The following SEMA3E variants were observed in gnomAD, a reference collection of about 807,000 sequenced individuals.
The protein encoded by SEMA3E is semaphorin-3E.
Under a neutral mutation model 93.6 loss-of-function variants are expected in SEMA3E, and 49 were observed. That is an observed-to-expected ratio of 0.52 (90% CI 0.42 to 0.66). The LOEUF is 0.66. SEMA3E is among the 30% of genes least tolerant of loss of function. The pLI is 0.00. For missense variants in SEMA3E, 906 were observed against 964.8 expected (o/e 0.94, Z 0.81); for synonymous variants, 363 against 330.7 (o/e 1.10, Z -1.06).
At chr7:83,520,001 T>C (rs992832501) in intron 1 of SEMA3E, among the ~76,000 whole-genome samples, 2 of 152,158 alleles carry the variant, frequency 1.3e-5, no homozygotes, top group Non-Finnish European at 2.9e-5. Flanking sequence ...ATAGATGCCC[T>C]ATAAATATAT....
At chr7:83,446,983 A>G (rs1425745440) in intron 4 of SEMA3E, among the ~76,000 whole-genome samples, 1 of 152,162 alleles carries the variant, frequency 6.6e-6, no homozygotes, top group Non-Finnish European at 1.5e-5. Flanking sequence ...GAGATAGACA[A>G]TGTTACTTCA....
intron 2 of SEMA3E, among the ~76,000 whole-genome samples, chr7:83,474,900 G>T (rs1428821578): frequency 6.6e-6 from 1 of 151,924 alleles, no homozygotes; most frequent in African/African-American, 2.4e-5. Flanking sequence ...TTTGATTTGG[G>T]AATTATTATT....
At chr7:83,391,995 A>G (rs1266388077) in intron 14 of SEMA3E, among the ~76,000 whole-genome samples, 1 of 152,168 alleles carries the variant, frequency 6.6e-6, no homozygotes, top group Non-Finnish European at 1.5e-5. Flanking sequence ...TCTTCAAAAT[A>G]CTTAACTGCA....
intron 1 of SEMA3E, among the ~76,000 whole-genome samples, chr7:83,551,880 A>G (rs190632962): frequency 6.6e-6 from 1 of 152,274 alleles, no homozygotes; most frequent in Admixed American, 6.5e-5. Context: ...CAGATGTGAC[A>G]ATCAAAAATG....
chr7:83,514,734 CA>C, intron 1 of SEMA3E, among the ~76,000 whole-genome samples: 1 of 151,836 alleles, frequency 6.6e-6, no homozygotes, highest in Non-Finnish European at 1.5e-5. Context: ...GGAAAAAAAG[CA>C]AATGAAGTTA....
chr7:83,429,101 C>G (rs2713158), intron 4 of SEMA3E, among the ~76,000 whole-genome samples: 81,088 of 151,768 alleles, frequency 0.53, 23,510 homozygotes, highest in East Asian at 0.85. Flanking sequence ...AGATTTTTTT[C>G]AAAAAAATCT....
intron 1 of SEMA3E, among the ~76,000 whole-genome samples, chr7:83,626,807 A>G (rs557722111): frequency 6.6e-6 from 1 of 152,166 alleles, no homozygotes; most frequent in South Asian, 2.1e-4. Flanking sequence ...TAGGGTGTCA[A>G]TTTTAGATCT....
chr7:83,408,598 A>G, intron 5 of SEMA3E, 111 bp from the exon 6 acceptor site: 2 of 1,194,710 alleles, frequency 1.7e-6, no homozygotes, highest in Non-Finnish European at 2.4e-6. Context: ...TGACATTAAT[A>G]CTATTGCTGT....
intron 11 of SEMA3E, 101 bp from the exon 12 acceptor site, chr7:83,396,830 T>C: frequency 1.3e-6 from 1 of 771,056 alleles, no homozygotes. Flanking sequence ...ATGCCTGTAA[T>C]CACTTTGGGA....
chr7:83,590,021 C>T (rs923671358), intron 1 of SEMA3E, among the ~76,000 whole-genome samples: 5 of 152,050 alleles, frequency 3.3e-5, no homozygotes, highest in African/African-American at 1.2e-4. Flanking sequence ...ATGCTTTGTT[C>T]TTCTTTTTTG....
At chr7:83,609,850 T>C (rs948858102) in intron 1 of SEMA3E, among the ~76,000 whole-genome samples, 2 of 152,108 alleles carry the variant, frequency 1.3e-5, no homozygotes, top group Admixed American at 1.3e-4. Context: ...GAATGCTTAC[T>C]TTATTTTCTA....
chr7:83,488,607 C>A lies in SEMA3E; in HGVS notation c.276+1507G>T, dbSNP rs186825946. ...TGGAATAATACAATTTTCAAACATG[C>A]AAGACTCAACACTGGACTCTGTATC... On this transcript the variant is annotated intron_variant, in intron 2 of 16. Coordinates refer to ENST00000643230, the MANE Select transcript of SEMA3E (RefSeq NM_012431.3). Among the ~76,000 whole-genome samples, 6 of 152,240 alleles carry A rather than the reference C, an allele frequency of 3.9e-5. No homozygotes were observed. The East Asian group carries it at 1.2e-3, about 29-fold the overall frequency.
chr7:83,492,984 G>A (rs1200477484), intron 1 of SEMA3E, among the ~76,000 whole-genome samples: 6 of 151,874 alleles, frequency 4.0e-5, no homozygotes, highest in Non-Finnish European at 8.8e-5. Context: ...TTTTAGTCTT[G>A]GCTTTGACAA....
intron 1 of SEMA3E, among the ~76,000 whole-genome samples, chr7:83,505,972 A>G (rs906426418): frequency 3.1e-4 from 45 of 144,246 alleles, no homozygotes; most frequent in South Asian, 1.5e-3. Context: ...CTGAGATGGC[A>G]CCACTGCACT....
intron 2 of SEMA3E, among the ~76,000 whole-genome samples, chr7:83,473,847 ACTTTG>A (rs1789953209): frequency 6.6e-6 from 1 of 152,200 alleles, no homozygotes; most frequent in Admixed American, 6.5e-5. Context: ...TAATCCCAGC[ACTTTG>A]GGAGGCCGAG....
At chr7:83,446,996 A>G (rs115769717) in intron 4 of SEMA3E, among the ~76,000 whole-genome samples, 347 of 152,274 alleles carry the variant, frequency 2.3e-3, no homozygotes, top group African/African-American at 7.9e-3. Context: ...TTACTTCACT[A>G]TATACTATTT....
intron 1 of SEMA3E, among the ~76,000 whole-genome samples, chr7:83,647,133 TA>T (rs1794089494): frequency 6.6e-6 from 1 of 152,108 alleles, no homozygotes; most frequent in African/African-American, 2.4e-5. Context: ...TTTACCAATT[TA>T]GTATCAATGG....
chr7:83,470,209 G>A lies in SEMA3E; in HGVS notation c.277-907C>T, dbSNP rs370970593. Among the ~76,000 whole-genome samples the A allele has an allele frequency of 6.6e-5, 10 of 152,052 alleles. No individual in the cohort carries two copies. In the East Asian group the frequency reaches 1.2e-3, roughly 18 times the overall value. ...TATTCTCTGATAAGAAGAATATATC[G>A]AATTTTTCTTTTTCACCTCTAATAG... On this transcript the variant is annotated intron_variant, in intron 2 of 16. Coordinates refer to ENST00000643230, the MANE Select transcript of SEMA3E (RefSeq NM_012431.3).
intron 4 of SEMA3E, among the ~76,000 whole-genome samples, chr7:83,454,779 C>T (rs1340630304): frequency 2.6e-5 from 4 of 152,104 alleles, no homozygotes; most frequent in African/African-American, 7.2e-5. Context: ...TCTCAGGGAT[C>T]GATGAGATAA....
Sources: gnomAD v4.1 joint callset for allele counts (sites outside exome capture counted in the v4.1 genomes callset) on GRCh38, gnomAD v4.1.1 for gene constraint, MANE v1.5 for transcripts, NCBI Gene and HGNC (gene_info 2026-07-23, HGNC 2026-07-21) for gene names.